Variants in ACO2 observed in about 807,000 individuals in gnomAD.
ACO2 encodes the protein aconitase 2.
Under a neutral mutation model 84.5 loss-of-function variants are expected in ACO2, and 31 were observed. The ratio of observed to expected loss-of-function variants is 0.37; its 90% CI spans 0.28 to 0.50. The LOEUF (loss-of-function observed/expected upper bound fraction) is 0.50, where lower values mean the gene tolerates loss of function less well. Among genes scored for constraint, ACO2 ranks in the 20% least tolerant of loss-of-function variants. The pLI is 0.97. For synonymous variants in ACO2, 414 were observed against 412.7 expected (o/e 1.00, Z -0.04); for missense variants, 685 against 1,029.3 (o/e 0.67, Z 4.58).
intron 1 of ACO2, among the ~76,000 whole-genome samples, chr22:41,488,486 G>A (rs183952793): frequency 6.6e-6 from 1 of 152,324 alleles, no homozygotes; most frequent in Admixed American, 6.5e-5. Flanking sequence ...TCTTTGTTAA[G>A]TGAGGTAGAC....
At chr22:41,490,902 G>C (rs1424526654) in intron 1 of ACO2, among the ~76,000 whole-genome samples, 1 of 151,888 alleles carries the variant, frequency 6.6e-6, no homozygotes, top group Non-Finnish European at 1.5e-5. Context: ...TTCAGGCCGG[G>C]GGATTTTAGT....
chr22:41,486,776 G>T (rs1408646167), intron 1 of ACO2, among the ~76,000 whole-genome samples: 1 of 152,056 alleles, frequency 6.6e-6, no homozygotes, highest in African/African-American at 2.4e-5. Flanking sequence ...GGCCCATTGT[G>T]TAGCATTTCT....
rs920925736 is a variant in ACO2, at chr22:41,525,422, ATGAACC to A, written c.1761+77_1761+82del. Reference sequence around the variant, plus strand: ...CGTCCCCTGAGCATCGGGAAGGGCCATGAACCTGGAGGAAGTGAGCACAGTCAAGAC... The same window carrying A: ...CGTCCCCTGAGCATCGGGAAGGGCCATGGAGGAAGTGAGCACAGTCAAGAC... On this transcript the variant is annotated intron_variant, in intron 14 of 17. Transcript: ENST00000216254. The A allele has an allele frequency of 3.2e-6, 5 of 1,570,390 alleles. No homozygotes were observed. In the African/African-American group the frequency reaches 6.8e-5, roughly 21 times the overall value.
At position 41,528,599 on chromosome 22, in the gene ACO2, G is replaced by A; in HGVS notation, c.2329G>A (p.Glu777Lys). 1 of 1,611,122 alleles carries A rather than the reference G, an allele frequency of 6.2e-7. No homozygotes were observed. The highest frequency in any genetic ancestry group is 8.5e-7 in the Non-Finnish European group (1 of 1,179,838). ...RAGSALNRMK[E>K]LQQ is the part of the protein sequence containing the mutation. ...TGGCAGTGCCCTCAACAGAATGAAGGAACTGCAACAGTGAGGGCAGTGCCT... is the reference window on the plus strand; with the variant it reads ...TGGCAGTGCCCTCAACAGAATGAAGAAACTGCAACAGTGAGGGCAGTGCCT... The change falls in exon 18 of 18, where the codon GAA (glutamate) becomes AAA (lysine). Residue 777 changes from glutamate to lysine, a missense_variant. This residue lies in a region of ACO2 where 174 missense variants were observed against 236.6 expected (regional missense o/e 0.74). Transcript: ENST00000216254.
chr22:41,510,672 T>C (rs1005809316), intron 3 of ACO2, among the ~76,000 whole-genome samples: 8 of 152,216 alleles, frequency 5.3e-5, no homozygotes, highest in Non-Finnish European at 1.2e-4. Context: ...CACCGTTTTG[T>C]TACTGGGGTC....
At chr22:41,496,659 G>A (rs987533487) in intron 1 of ACO2, among the ~76,000 whole-genome samples, 2 of 152,140 alleles carry the variant, frequency 1.3e-5, no homozygotes, top group Non-Finnish European at 2.9e-5. Flanking sequence ...CTATGCACAC[G>A]CACTGTGGAA....
chr22:41,522,804 T>C, intron 9 of ACO2, 26 bp from the exon 10 acceptor site: 2 of 1,612,906 alleles, frequency 1.2e-6, no homozygotes, highest in Non-Finnish European at 8.5e-7. Flanking sequence ...TCCTGACCCT[T>C]AACCCCACCA....
rs1288833808 is a variant in ACO2, at chr22:41,517,570, C to T, written c.879C>T (p.Thr293=). ...ICNMGAEIGA[T]TSVFPYNHRM... The stretch of plus-strand genomic sequence containing the variant: ...ACATGGGTGCAGAAATTGGGGCCAC[C>T]ACTTCCGTGTTCCCTTACAACCACA... Residue 293 remains threonine, a synonymous_variant, in exon 7 of 18, where the codon ACC becomes ACT. Transcript: ENST00000216254. 3 of 1,613,972 alleles carry T rather than the reference C, an allele frequency of 1.9e-6. No homozygotes were observed. Among genetic ancestry groups the T allele is most frequent in the Non-Finnish European group, 2.5e-6 (3 of 1,180,042 alleles).
chr22:41,493,725 T>C (rs2066291455), intron 1 of ACO2, among the ~76,000 whole-genome samples: 1 of 152,082 alleles, frequency 6.6e-6, no homozygotes. Context: ...GAGGATCTCT[T>C]GAGTCCAGGA....
chr22:41,486,631 C>A (rs530671237), intron 1 of ACO2, among the ~76,000 whole-genome samples: 1 of 151,768 alleles, frequency 6.6e-6, no homozygotes, highest in East Asian at 2.0e-4. Context: ...CCACCGTGCC[C>A]GGCCAATTTT....
Position 41,515,407 on chromosome 22 carries a change from G to A in ACO2, c.556G>A (p.Val186Ile). 1.2e-6 allele frequency: 2 copies of A among 1,613,258 alleles called. No individual in the cohort carries two copies. The highest frequency in any genetic ancestry group is 1.7e-6 in the Non-Finnish European group (2 of 1,179,930). Reference sequence around the variant, plus strand: ...TCTGGAAAACTATGCGTACCCTGGTGTTCTTCTGATTGGCACTGACTCCCA... The same window carrying A: ...TCTGGAAAACTATGCGTACCCTGGTATTCTTCTGATTGGCACTGACTCCCA... ...IILENYAYPGVLLIGTDSHTP... is the reference protein window; with the variant it reads ...IILENYAYPGILLIGTDSHTP... The change falls in exon 5 of 18, where the codon GTT becomes ATT. Residue 186 changes from valine (V) to isoleucine (I), a missense_variant. This residue lies in a region of ACO2 where 92 missense variants were observed against 203.7 expected (regional missense o/e 0.45). Transcript: ENST00000216254. This position sits in a 1 kb window ranked among gnomAD's most constrained non-coding sequence, Gnocchi z 5.8.
chr22:41,523,119 G>A, intron 10 of ACO2, 86 bp from the exon 11 acceptor site: 1 of 1,537,718 alleles, frequency 6.5e-7, no homozygotes, highest in Non-Finnish European at 8.9e-7. Flanking sequence ...TTCCAGTACA[G>A]CACTTCGTCC....
chr22:41,469,373 C>A, intron 1 of ACO2, 191 bp downstream of exon 1: 1 of 583,058 alleles, frequency 1.7e-6, no homozygotes, highest in Non-Finnish European at 2.8e-6. Flanking sequence ...GCACAGTCAG[C>A]TTTCCTGGCC....
chr22:41,497,647 C>CCGAG (rs892660806), intron 1 of ACO2, among the ~76,000 whole-genome samples: 27 of 152,234 alleles, frequency 1.8e-4, no homozygotes, highest in African/African-American at 6.5e-4. Flanking sequence ...CTTTGGGAGG[C>CCGAG]CGAGGCAGGT....
In ACO2 at chr22:41,528,029, G is replaced by A. The variant is rs2146154611; in HGVS notation, c.2208+7G>A. On this transcript the variant is annotated splice_region_variant and intron_variant, in intron 17 of 17. Transcript: ENST00000216254. ...GGACTTCACCCCTGGCAAGGTTAGG[G>A]GCCCGGGTCCCCCTGAGGTGGTGGG... 1.9e-6 allele frequency: 3 copies of A among 1,614,104 alleles called. No individual in the cohort carries two copies. Among genetic ancestry groups the A allele is most frequent in the Non-Finnish European group, 2.5e-6 (3 of 1,180,022 alleles).
intron 8 of ACO2, among the ~76,000 whole-genome samples, chr22:41,519,807 C>CAAAAA (rs11426442): frequency 1.5e-5 from 2 of 134,914 alleles, no homozygotes; most frequent in African/African-American, 5.3e-5. Flanking sequence ...GACTCCATCT[C>CAAAAA]AAAAAAAAAA....
intron 1 of ACO2, among the ~76,000 whole-genome samples, chr22:41,494,323 A>G (rs529335340): frequency 1.3e-5 from 2 of 152,122 alleles, no homozygotes; most frequent in Admixed American, 6.5e-5. Context: ...AGATTAGGCC[A>G]TGTAATATAT....
intron 1 of ACO2, among the ~76,000 whole-genome samples, chr22:41,487,704 A>G (rs138895119): frequency 3.9e-5 from 6 of 152,052 alleles, no homozygotes; most frequent in Non-Finnish European, 7.4e-5. Flanking sequence ...TGAATCATCA[A>G]ATTAACACAG....
intron 6 of ACO2, among the ~76,000 whole-genome samples, chr22:41,517,025 A>C (rs2066481300): frequency 6.6e-6 from 1 of 152,116 alleles, no homozygotes; most frequent in Non-Finnish European, 1.5e-5. Flanking sequence ...AAGTGTCTCC[A>C]CCATGGTATG....
Sources: allele counts gnomAD v4.1 joint callset (sites outside exome capture counted in the v4.1 genomes callset), GRCh38; gene constraint gnomAD v4.1.1; regional missense constraint gnomAD v4.1.1; non-coding constraint Gnocchi (gnomAD v3.1); transcripts MANE v1.5; gene names NCBI Gene and HGNC (gene_info 2026-07-23, HGNC 2026-07-21).